The following CBX1 variants were observed in gnomAD, a reference collection of about 807,000 sequenced individuals.
CBX1 encodes the protein chromobox protein homolog 1.
CBX1 carries 10 observed loss-of-function variants against 25.1 expected under a neutral mutation model. The observed-to-expected ratio is 0.40, with a 90% confidence interval of 0.25 to 0.68. The LOEUF is 0.68. Among genes scored for constraint, CBX1 ranks in the 30% least tolerant of loss-of-function variants. The probability of loss-of-function intolerance (pLI) is 0.40; values close to 1 mark genes in which losing one functional copy is unlikely to be tolerated. For synonymous variants in CBX1, 63 were observed against 79.4 expected (o/e 0.79, Z 1.10); for missense variants, 106 against 218.5 (o/e 0.49, Z 3.25).
At chr17:48,079,844 G>A (rs1369753224) in intron 1 of CBX1, among the ~76,000 whole-genome samples, 1 of 152,156 alleles carries the variant, frequency 6.6e-6, no homozygotes, top group Non-Finnish European at 1.5e-5. Flanking sequence ...GAATGATCAT[G>A]AAATTCTCTA....
chr17:48,080,941 AAAAAAAAAAAATATATAT>A (rs2037726464), intron 1 of CBX1, among the ~76,000 whole-genome samples: 1 of 48,090 alleles, frequency 2.1e-5, no homozygotes. Context: ...AAAAAAAAAA[AAAAAAAAAAAATATATAT>A]ATATATATAT....
intron 1 of CBX1, among the ~76,000 whole-genome samples, chr17:48,090,686 C>T (rs1464525473): frequency 1.3e-5 from 2 of 152,200 alleles, no homozygotes; most frequent in Non-Finnish European, 2.9e-5. Flanking sequence ...TATCAATCAT[C>T]ATTACCTTGC....
rs2037673040 is a variant in CBX1 at position 48,076,154 on chromosome 17, T to C, written c.165A>G (p.Glu55=). The change falls in exon 3 of 5, where the codon GAA becomes GAG. Residue 55 remains glutamate, a synonymous_variant. Coordinates refer to ENST00000225603, the MANE Select transcript of CBX1 (RefSeq NM_001127228.2). ...FSDEDNTWEP[E]ENLDCPDLIA... is the part of the protein sequence containing the mutation. ...TGAGGTCGGGGCAATCCAGGTTCTC[T>C]TCTGGCTCCCATGTGTTGTCCTCAC... 1 of 1,595,898 alleles carries C rather than the reference T, an allele frequency of 6.3e-7. No individual in the cohort carries two copies. Among genetic ancestry groups the C allele is most frequent in the Non-Finnish European group, 8.6e-7 (1 of 1,166,314 alleles).
At chr17:48,094,727 C>G (rs1010249870) in intron 1 of CBX1, among the ~76,000 whole-genome samples, 2 of 145,266 alleles carry the variant, frequency 1.4e-5, no homozygotes, top group Admixed American at 1.4e-4. Flanking sequence ...GACCAAGACT[C>G]TGTCTCAAAG....
chr17:48,076,850 G>A lies in CBX1; in HGVS notation c.140+15C>T. Reference sequence around the variant, plus strand: ...ACACGTGGTGGCTACATTTACCTGTGTCAGTGAAACTTACTCTGAGAATCC... The same window carrying A: ...ACACGTGGTGGCTACATTTACCTGTATCAGTGAAACTTACTCTGAGAATCC... On this transcript the variant is annotated intron_variant, in intron 2 of 4. Coordinates refer to ENST00000225603, the MANE Select transcript of CBX1 (RefSeq NM_001127228.2). 6.2e-7 allele frequency: 1 copy of A among 1,605,412 alleles called. No homozygotes were observed. Among genetic ancestry groups the A allele is most frequent in the Non-Finnish European group, 8.5e-7 (1 of 1,176,502 alleles).
chr17:48,092,452 ATCTCTCTC>A (rs112819713), intron 1 of CBX1, among the ~76,000 whole-genome samples: 177 of 145,802 alleles, frequency 1.2e-3, no homozygotes, highest in African/African-American at 4.3e-3. Flanking sequence ...GCAAGACTCC[ATCTCTCTC>A]TCTCTCTCTT....
intron 1 of CBX1, chr17:48,100,695 T>TC (rs1421250368): frequency 2.3e-5 from 23 of 983,136 alleles, no homozygotes; most frequent in Admixed American, 6.2e-5. Context: ...CGCCTGCCCC[T>TC]CCCCCTCCGT....
chr17:48,100,736 C>T (rs1253025874), intron 1 of CBX1: 2 of 985,378 alleles, frequency 2.0e-6, no homozygotes, highest in African/African-American at 3.5e-5. Context: ...CCACACATCT[C>T]CTCCTCCAAT....
intron 1 of CBX1, among the ~76,000 whole-genome samples, chr17:48,077,445 GTTTTTTTTGTTTTTTTT>G (rs2037687574): frequency 3.8e-5 from 2 of 52,418 alleles, no homozygotes; most frequent in African/African-American, 4.8e-5. Context: ...TTTTTTTTTT[GTTTTTTTTGTTTTTTTT>G]TTTTTAGTAG....
At chr17:48,073,823 T>TGAAAAAAAAAAAAAA (rs2037648864) in intron 4 of CBX1, among the ~76,000 whole-genome samples, 1 of 23,726 alleles carries the variant, frequency 4.2e-5, no homozygotes, top group African/African-American at 3.2e-4. Flanking sequence ...TGAGACTGTC[T>TGAAAAAAAAAAAAAA]CAAAAAAAAA....
chr17:48,094,050 G>A (rs1043430690), intron 1 of CBX1, among the ~76,000 whole-genome samples: 3 of 137,050 alleles, frequency 2.2e-5, no homozygotes, highest in South Asian at 2.4e-4. Context: ...GGAGGCGGAA[G>A]TTGCGATGCG....
intron 3 of CBX1, among the ~76,000 whole-genome samples, chr17:48,075,550 G>A (rs1336339803): frequency 6.6e-6 from 1 of 152,120 alleles, no homozygotes; most frequent in Non-Finnish European, 1.5e-5. Context: ...TAAGAGAGCT[G>A]TTAGAATCCT....
At chr17:48,087,050 G>A (rs995098221) in intron 1 of CBX1, among the ~76,000 whole-genome samples, 5 of 151,792 alleles carry the variant, frequency 3.3e-5, no homozygotes, top group East Asian at 3.9e-4. Context: ...TTAGCTGGGC[G>A]TGGTGGCGGG....
chr17:48,086,327 G>T (rs916012289), intron 1 of CBX1, among the ~76,000 whole-genome samples: 1 of 152,184 alleles, frequency 6.6e-6, no homozygotes, highest in Non-Finnish European at 1.5e-5. Context: ...ATTTTGGTTT[G>T]AAATAGTTTG....
intron 4 of CBX1, among the ~76,000 whole-genome samples, chr17:48,072,300 C>A (rs2037632179): frequency 6.6e-6 from 1 of 152,106 alleles, no homozygotes; most frequent in Admixed American, 6.5e-5. Flanking sequence ...CATGAGCCAC[C>A]TCGCCCGGCC....
chr17:48,097,271 A>C (rs966818820), intron 1 of CBX1, among the ~76,000 whole-genome samples: 9 of 150,656 alleles, frequency 6.0e-5, no homozygotes, highest in African/African-American at 9.8e-5. Context: ...AGAAAAAAAA[A>C]CGCCACCACA....
chr17:48,075,395 G>A lies in CBX1; in HGVS notation c.319-295C>T, dbSNP rs867869557. ...TTTTTAGTAGAGACCCAGTTTCTCC[G>A]TGTTAGTCAGGATGGTCTTGATCTC... On this transcript the variant is annotated intron_variant, in intron 3 of 4. Coordinates refer to ENST00000225603, the MANE Select transcript of CBX1 (RefSeq NM_001127228.2). Among the ~76,000 whole-genome samples the A allele has an allele frequency of 6.4e-4, 98 of 152,112 alleles. 1 individual carries two copies. The highest frequency in any genetic ancestry group is 3.4e-3 in the Middle Eastern group (1 of 294).
At chr17:48,099,480 C>T (rs953834888) in intron 1 of CBX1, among the ~76,000 whole-genome samples, 1 of 152,106 alleles carries the variant, frequency 6.6e-6, no homozygotes, top group Non-Finnish European at 1.5e-5. Context: ...CAGGGAAAAC[C>T]GTAAACGACT....
intron 1 of CBX1, among the ~76,000 whole-genome samples, chr17:48,090,675 C>T (rs1312591927): frequency 1.3e-5 from 2 of 152,208 alleles, no homozygotes; most frequent in Non-Finnish European, 2.9e-5. Flanking sequence ...GCACCTACAC[C>T]TATCAATCAT....
Sources: allele counts gnomAD v4.1 joint callset (sites outside exome capture counted in the v4.1 genomes callset), GRCh38; gene constraint gnomAD v4.1.1; transcripts MANE v1.5; gene names NCBI Gene and HGNC (gene_info 2026-07-23, HGNC 2026-07-21).